The following TTYH3 variants were observed in gnomAD, a reference collection of about 807,000 sequenced individuals.
The protein encoded by TTYH3 is protein tweety homolog 3.
A neutral mutation model predicts 68.2 loss-of-function variants in TTYH3; 23 were observed. That is an observed-to-expected ratio of 0.34 (90% CI 0.24 to 0.48). TTYH3 has a LOEUF of 0.48. Ranked by LOEUF, TTYH3 falls within the 20% of genes least tolerant of loss-of-function variation. The pLI is 0.99. For missense variants in TTYH3, 768 were observed against 727.7 expected (o/e 1.06, Z -0.64); for synonymous variants, 360 against 332.8 (o/e 1.08, Z -0.89).
intron 1 of TTYH3, among the ~76,000 whole-genome samples, chr7:2,635,131 G>T (rs907637682): frequency 6.6e-6 from 1 of 152,190 alleles, no homozygotes; most frequent in African/African-American, 2.4e-5. Context: ...CCCACAGGAG[G>T]CCTGAGACTC....
intron 1 of TTYH3, among the ~76,000 whole-genome samples, chr7:2,639,154 G>T (rs1785761365): frequency 6.6e-6 from 1 of 152,158 alleles, no homozygotes; most frequent in Non-Finnish European, 1.5e-5. Context: ...GAGTTCCAGG[G>T]CTGGAGTTCA....
chr7:2,649,570 C>T lies in TTYH3; in HGVS notation c.726C>T (p.Val242=), dbSNP rs377705186. Residue 242 remains valine, a synonymous_variant, in exon 6 of 14, where the codon GTC becomes GTT. Coordinates refer to ENST00000258796, the MANE Select transcript of TTYH3 (RefSeq NM_025250.3). ...TGACTGGCTGTCTCTGCCCCAGGGT[C>T]TGCCTGCTGGGAGTCCTGGCCCTGG... is the stretch of plus-strand genomic sequence containing the variant. The part of the protein sequence containing the change: ...IRSSKGILVG[V]CLLGVLALVI... 1.9e-6 allele frequency: 3 copies of T among 1,585,624 alleles called. No individual in the cohort carries two copies. The African/African-American group carries it at 4.0e-5, about 21-fold the overall frequency.
Position 2,657,131 on chromosome 7 carries a change from C to G in TTYH3, c.1250+597C>G, listed in dbSNP as rs1193866702. Among the ~76,000 whole-genome samples the G allele has an allele frequency of 3.3e-5, 5 of 152,364 alleles. No homozygotes were observed. The East Asian group carries it at 9.6e-4, about 29-fold the overall frequency. On this transcript the variant is annotated intron_variant, in intron 11 of 13. Transcript: ENST00000258796. ...AGTGGTGTATTGGGGTGACAGGCTC[C>G]TTCCCTTGCCAGAGCTCCTATGGCT...
chr7:2,646,727 G>T lies in TTYH3; in HGVS notation c.124-126G>T, dbSNP rs916428295. 3.7e-6 allele frequency: 4 copies of T among 1,069,152 alleles called. No individual in the cohort carries two copies. The East Asian group carries it at 1.0e-4, about 28-fold the overall frequency. 66.2% of individuals were successfully genotyped at this position (1,069,152 alleles called of 1,614,324 possible). ...ATGCCTCACCTACAAGTCGGGGATG[G>T]GGCCCACCTCCCAGGGCTGGGGGCA... is the stretch of plus-strand genomic sequence containing the variant. On this transcript the variant is annotated intron_variant, in intron 1 of 13. Coordinates refer to ENST00000258796, the MANE Select transcript of TTYH3 (RefSeq NM_025250.3).
At chr7:2,660,011 G>T (rs1396201202) in intron 13 of TTYH3, 1 of 1,303,160 alleles carries the variant, frequency 7.7e-7, no homozygotes. Flanking sequence ...GTGCCCGAAC[G>T]CTGTGGTAGC....
chr7:2,660,176 C>G, intron 13 of TTYH3: 1 of 1,160,990 alleles, frequency 8.6e-7, no homozygotes, highest in Non-Finnish European at 1.1e-6. Context: ...AGGGCCAGCT[C>G]TGAGTGCCAC....
In TTYH3 at chr7:2,645,311, T is replaced by G. The variant is rs1785951559; in HGVS notation, c.124-1542T>G. On this transcript the variant is annotated intron_variant, in intron 1 of 13. Transcript: ENST00000258796. This position sits in a 1 kb window ranked among gnomAD's most constrained non-coding sequence, Gnocchi z 4.8. ...AGGGCCTGTGTGCTTTCTCTGTAGC[T>G]TCTATGAAGCCCAGTTTCCCTGTGG... 6.6e-6 allele frequency among the ~76,000 whole-genome samples: 1 copy of G among 152,158 alleles called. No individual in the cohort carries two copies. Among genetic ancestry groups the G allele is most frequent in the African/African-American group, 2.4e-5 (1 of 41,432 alleles).
At chr7:2,661,154 G>A (rs1232577185) in intron 13 of TTYH3, among the ~76,000 whole-genome samples, 1 of 152,216 alleles carries the variant, frequency 6.6e-6, no homozygotes, top group African/African-American at 2.4e-5. Flanking sequence ...AGAGTAGCCC[G>A]GGGGATGTCC....
chr7:2,639,483 C>T lies in TTYH3; in HGVS notation c.123+7205C>T, dbSNP rs1425701794. Among the ~76,000 whole-genome samples the T allele has an allele frequency of 4.6e-5, 7 of 152,352 alleles. No homozygotes were observed. The East Asian group carries it at 1.2e-3, about 25-fold the overall frequency. On this transcript the variant is annotated intron_variant, in intron 1 of 13. Coordinates refer to ENST00000258796, the MANE Select transcript of TTYH3 (RefSeq NM_025250.3). Reference sequence around the variant, plus strand: ...ACAGCCTCCGAGCTCACGGGGCCAGCACTGTGGGCACAGGGGAGCCCCCGA... The same window carrying T: ...ACAGCCTCCGAGCTCACGGGGCCAGTACTGTGGGCACAGGGGAGCCCCCGA...
Position 2,647,044 on chromosome 7 carries a change from C to A in TTYH3, c.293+22C>A, listed in dbSNP as rs371244017. The A allele has an allele frequency of 6.2e-5, 36 of 576,734 alleles. No individual in the cohort carries two copies. The Middle Eastern group carries it at 1.8e-3, about 28-fold the overall frequency. The allele number at this position is 576,734 out of a possible 1,614,324, so 35.7% of individuals were successfully genotyped here. A position where few individuals can be genotyped will look rare whatever the true frequency, so the allele number is the denominator to read the frequency against. On this transcript the variant is annotated intron_variant, in intron 2 of 13. Coordinates refer to ENST00000258796, the MANE Select transcript of TTYH3 (RefSeq NM_025250.3). ...GCAGGTGAGCGCGGTGGGGCGGGGACGGAGGGCGGGGCCAGAGGGGGCGGC... is the reference window on the plus strand; with the variant it reads ...GCAGGTGAGCGCGGTGGGGCGGGGAAGGAGGGCGGGGCCAGAGGGGGCGGC...
chr7:2,638,177 G>A (rs566083201), intron 1 of TTYH3, among the ~76,000 whole-genome samples: 134 of 152,208 alleles, frequency 8.8e-4, no homozygotes, highest in African/African-American at 3.1e-3. Flanking sequence ...CTCCAGTCTG[G>A]CGGCTCCTGG....
chr7:2,656,955 G>A (rs1786352881), intron 11 of TTYH3, among the ~76,000 whole-genome samples: 2 of 152,250 alleles, frequency 1.3e-5, no homozygotes, highest in Non-Finnish European at 2.9e-5. Context: ...CACTGTGCAG[G>A]CTTAGCTCTG....
intron 9 of TTYH3, among the ~76,000 whole-genome samples, chr7:2,653,791 AG>A (rs1210601331): frequency 5.3e-5 from 8 of 152,366 alleles, no homozygotes; most frequent in Non-Finnish European, 7.3e-5. Flanking sequence ...TGAACCTGGG[AG>A]GCAGAGATTG....
chr7:2,641,834 C>T (rs563645619), intron 1 of TTYH3, among the ~76,000 whole-genome samples: 24 of 152,300 alleles, frequency 1.6e-4, no homozygotes, highest in South Asian at 1.4e-3. Flanking sequence ...TCAGGCCTGG[C>T]GCGTTGGGTG....
intron 13 of TTYH3, among the ~76,000 whole-genome samples, chr7:2,661,260 TG>T (rs770038774): frequency 1.7e-4 from 26 of 151,966 alleles, no homozygotes; most frequent in Non-Finnish European, 3.7e-4. Context: ...CCCTGGAGGG[TG>T]GCTGGTTTGT....
chr7:2,658,397 C>T lies in TTYH3; in HGVS notation c.1362C>T (p.Gly454=). The T allele has an allele frequency of 6.2e-7, 1 of 1,612,258 alleles. No homozygotes were observed. The highest frequency in any genetic ancestry group is 8.5e-7 in the Non-Finnish European group (1 of 1,179,758). Residue 454 remains glycine, a synonymous_variant, in exon 12 of 14, where the codon GGC becomes GGT. Transcript: ENST00000258796. ...TGTACAGCTGTGGCAGCAGCTACGGCAGTGAGACCAGCATCCCGGCCGCGG... is the reference window on the plus strand; with the variant it reads ...TGTACAGCTGTGGCAGCAGCTACGGTAGTGAGACCAGCATCCCGGCCGCGG... ...PSLYSCGSSY[G]SETSIPAAAH...
chr7:2,635,191 C>T (rs896994148), intron 1 of TTYH3, among the ~76,000 whole-genome samples: 4 of 152,178 alleles, frequency 2.6e-5, no homozygotes, highest in African/African-American at 9.7e-5. Context: ...AGGCCTCTGG[C>T]GTGGCCCGGG....
In TTYH3 at chr7:2,662,359, A is replaced by G. The variant is rs1335023408; in HGVS notation, c.*620A>G. On this transcript the variant is annotated 3_prime_UTR_variant, in exon 14 of 14. Coordinates refer to ENST00000258796, the MANE Select transcript of TTYH3 (RefSeq NM_025250.3). ...CAGCAGGGCCTCTCTCCGTTGCCCC[A>G]GCTTCACTCTCTCCCTCAGCACCTG... 1 of 155,484 alleles carries G rather than the reference A, an allele frequency of 6.4e-6. No homozygotes were observed. Among genetic ancestry groups the G allele is most frequent in the Non-Finnish European group, 1.4e-5 (1 of 70,548 alleles). The allele number at this position is 155,484 out of a possible 1,614,324, so 9.6% of individuals were successfully genotyped here.
intron 5 of TTYH3, among the ~76,000 whole-genome samples, chr7:2,648,728 G>C (rs774321383): frequency 6.6e-6 from 1 of 152,154 alleles, no homozygotes; most frequent in Non-Finnish European, 1.5e-5. Context: ...GAAAAGCCGG[G>C]GTGGTGTGAA....
Sources: gnomAD v4.1 joint callset for allele counts (sites outside exome capture counted in the v4.1 genomes callset) on GRCh38, gnomAD v4.1.1 for gene constraint, Gnocchi (gnomAD v3.1) non-coding constraint, MANE v1.5 for transcripts, NCBI Gene and HGNC (gene_info 2026-07-23, HGNC 2026-07-21) for gene names.